Variants in FRY observed in about 807,000 individuals in gnomAD.
The protein encoded by FRY is protein furry homolog.
FRY carries 128 observed loss-of-function variants against 348.4 expected under a neutral mutation model. The ratio of observed to expected loss-of-function variants is 0.37; its 90% CI spans 0.32 to 0.43. The LOEUF is 0.43. Among genes scored for constraint, FRY ranks in the 20% least tolerant of loss-of-function variants. The probability of loss-of-function intolerance (pLI) is 1.00; values close to 1 mark genes in which losing one functional copy is unlikely to be tolerated. For missense variants in FRY, 2,736 were observed against 3,695.2 expected (o/e 0.74, Z 6.73); for synonymous variants, 1,370 against 1,374.7 (o/e 1.00, Z 0.08).
chr13:32,185,636 TG>T (rs1882986067), intron 26 of FRY, among the ~76,000 whole-genome samples: 1 of 152,228 alleles, frequency 6.6e-6, no homozygotes, highest in Non-Finnish European at 1.5e-5. Context: ...ACAGAGCAAA[TG>T]GGTATGAAAC....
At chr13:32,203,901 A>G (rs1196414251) in intron 31 of FRY, among the ~76,000 whole-genome samples, 2 of 152,164 alleles carry the variant, frequency 1.3e-5, no homozygotes, top group Non-Finnish European at 2.9e-5. Flanking sequence ...ACTACAGTTT[A>G]TCTTCCATGT....
chr13:32,267,233 C>A lies in FRY; in HGVS notation c.8010C>A (p.Ala2670=), dbSNP rs755503429. 6.2e-7 allele frequency: 1 copy of A among 1,614,170 alleles called. No homozygotes were observed. The highest frequency in any genetic ancestry group is 8.5e-7 in the Non-Finnish European group (1 of 1,180,020). Residue 2670 remains alanine, a synonymous_variant, in exon 55 of 61, where the codon GCC becomes GCA. Coordinates refer to ENST00000542859, the MANE Select transcript of FRY (RefSeq NM_023037.3). ...PPSPFFSAIL[A]AFQPAACDDA... Reference sequence around the variant, plus strand: ...CGCCCTTCTTCTCAGCCATCCTTGCCGCCTTTCAGCCCGCAGCCTGTGACG... The same window carrying A: ...CGCCCTTCTTCTCAGCCATCCTTGCAGCCTTTCAGCCCGCAGCCTGTGACG...
intron 1 of FRY, among the ~76,000 whole-genome samples, chr13:32,037,122 G>T (rs1185652183): frequency 2.6e-5 from 4 of 151,770 alleles, no homozygotes; most frequent in Non-Finnish European, 5.9e-5. Flanking sequence ...AAGACCTTAA[G>T]TGTTCACAAG....
In FRY at chr13:32,179,816, G is replaced by T; in HGVS notation, c.2996+17G>T. 2 of 1,611,346 alleles carry T rather than the reference G, an allele frequency of 1.2e-6. No homozygotes were observed. Among genetic ancestry groups the T allele is most frequent in the South Asian group, 1.1e-5 (1 of 91,012 alleles). On this transcript the variant is annotated intron_variant, in intron 23 of 60. Transcript: ENST00000542859. ...TGTTTTCAGGTACAGTAGTCTTAAT[G>T]AGTTGTTCTAAATTCATACATGCTG...
At position 32,295,301 on chromosome 13, in the gene FRY, T is replaced by A. The variant is rs1181052052; in HGVS notation, c.8883T>A (p.Gly2961=). ...GTCACCAAACTCTGGGACAGACGGGTACTTATGCCCTGGTGGGGTCTAACC... is the reference window on the plus strand; with the variant it reads ...GTCACCAAACTCTGGGACAGACGGGAACTTATGCCCTGGTGGGGTCTAACC... ...YFRHQTLGQT[G]TYALVGSNQS... is the part of the protein sequence containing the mutation. The change falls in exon 61 of 61, where the codon GGT becomes GGA. Residue 2961 remains glycine, a synonymous_variant. Transcript: ENST00000542859. 1 of 1,613,910 alleles carries A rather than the reference T, an allele frequency of 6.2e-7. No individual in the cohort carries two copies. The highest frequency in any genetic ancestry group is 8.5e-7 in the Non-Finnish European group (1 of 1,179,912).
At chr13:32,114,580 T>C (rs1324403739) in intron 3 of FRY, among the ~76,000 whole-genome samples, 2 of 152,202 alleles carry the variant, frequency 1.3e-5, no homozygotes, top group African/African-American at 4.8e-5. Flanking sequence ...CATGTCTCCT[T>C]AGATTCGGCA....
intron 14 of FRY, among the ~76,000 whole-genome samples, chr13:32,151,129 G>A (rs1488474925): frequency 6.6e-6 from 1 of 152,176 alleles, no homozygotes; most frequent in Non-Finnish European, 1.5e-5. Flanking sequence ...ACTGTCTTTA[G>A]CAGTCATTTC....
rs2072043693 is a variant in FRY at position 32,295,419 on chromosome 13, A to G, written c.9001A>G (p.Thr3001Ala). 1 of 1,612,162 alleles carries G rather than the reference A, an allele frequency of 6.2e-7. No individual in the cohort carries two copies. The change falls in exon 61 of 61, where the codon ACT becomes GCT. Residue 3001 changes from threonine (T) to alanine (A), a missense_variant. Around this residue, in one of 9 missense-constraint regions of FRY, gnomAD observed 157 missense variants for 215.2 expected, o/e 0.73. Transcript: ENST00000542859. The part of the protein sequence containing the change: ...RRAQSYRVLT[T>A]FLPDSSVSGT... ...GGCCCAGAGTTACCGAGTCCTCACT[A>G]CTTTTCTTCCAGACTCCAGTGTTTC...
intron 11 of FRY, among the ~76,000 whole-genome samples, 154 bp from the exon 12 acceptor site, chr13:32,147,128 T>C (rs761889603): frequency 1.2e-4 from 19 of 152,148 alleles, no homozygotes; most frequent in Non-Finnish European, 2.1e-4. Flanking sequence ...GAGAGGCCAA[T>C]ACTCTGTAAG....
intron 51 of FRY, among the ~76,000 whole-genome samples, chr13:32,258,637 C>A (rs938228995): frequency 2.0e-5 from 3 of 151,050 alleles, no homozygotes; most frequent in South Asian, 4.2e-4. Flanking sequence ...GTGAAATTAA[C>A]AATTTGCATC....
intron 1 of FRY, among the ~76,000 whole-genome samples, chr13:32,051,267 G>A (rs1873313280): frequency 6.6e-6 from 1 of 152,186 alleles, no homozygotes; most frequent in African/African-American, 2.4e-5. Flanking sequence ...CTTTGAAGGA[G>A]AGGATGGGTT....
At chr13:32,202,070 T>C in intron 30 of FRY, 30 bp downstream of exon 30, 1 of 1,245,514 alleles carries the variant, frequency 8.0e-7, no homozygotes, top group Non-Finnish European at 1.2e-6. Context: ...ATAGAAAATA[T>C]CCATCCTTGA....
At chr13:32,100,359 G>A (rs1012917579) in intron 2 of FRY, among the ~76,000 whole-genome samples, 2 of 151,986 alleles carry the variant, frequency 1.3e-5, no homozygotes, top group Non-Finnish European at 2.9e-5. Context: ...GATTACAGAC[G>A]TGAGCCAATG....
chr13:32,207,166 C>T (rs1884400393), intron 31 of FRY, among the ~76,000 whole-genome samples: 1 of 152,112 alleles, frequency 6.6e-6, no homozygotes, highest in African/African-American at 2.4e-5. Context: ...AGTCTTTGCT[C>T]CGAAAAGTCC....
chr13:32,087,357 G>C (rs1593597309), intron 2 of FRY, among the ~76,000 whole-genome samples: 1 of 152,190 alleles, frequency 6.6e-6, no homozygotes. Context: ...TTGGCCCAGA[G>C]TCTGAGGCTT....
At chr13:32,294,237 A>C in intron 59 of FRY, 131 bp from the exon 60 acceptor site, 2 of 686,266 alleles carry the variant, frequency 2.9e-6, no homozygotes, top group South Asian at 1.7e-5. Flanking sequence ...AATGTCATCT[A>C]TCCTATCTGA....
intron 46 of FRY, among the ~76,000 whole-genome samples, chr13:32,240,596 A>G (rs1433753179): frequency 1.3e-5 from 2 of 152,362 alleles, no homozygotes; most frequent in African/African-American, 2.4e-5. Flanking sequence ...CTAGAAATAC[A>G]TAGAATATTG....
chr13:32,127,968 T>C (rs1879129164), intron 7 of FRY, among the ~76,000 whole-genome samples: 1 of 152,230 alleles, frequency 6.6e-6, no homozygotes, highest in African/African-American at 2.4e-5. Context: ...TCTTTAAAAC[T>C]ATATAACTCT....
chr13:32,156,555 C>T (rs1028423236), intron 15 of FRY, among the ~76,000 whole-genome samples: 5 of 144,296 alleles, frequency 3.5e-5, no homozygotes, highest in Admixed American at 1.4e-4. Context: ...CAGCCAAGAT[C>T]GCACCATTCC....
Sources: gnomAD v4.1 joint callset for allele counts (sites outside exome capture counted in the v4.1 genomes callset) on GRCh38, gnomAD v4.1.1 for gene constraint, gnomAD v4.1.1 regional missense constraint, MANE v1.5 for transcripts, NCBI Gene and HGNC (gene_info 2026-07-23, HGNC 2026-07-21) for gene names.